KHDRBS2: variants seen among roughly 807,000 people sequenced by gnomAD.
KHDRBS2 encodes the protein KH RNA binding domain containing, signal transduction associated 2.
Under a neutral mutation model 44.3 loss-of-function variants are expected in KHDRBS2, and 26 were observed. The ratio of observed to expected loss-of-function variants is 0.59; its 90% CI spans 0.43 to 0.81. KHDRBS2 has a LOEUF of 0.81. KHDRBS2 is among the 40% of genes least tolerant of loss of function. The pLI is 0.00. For missense variants in KHDRBS2, 476 were observed against 433.1 expected (o/e 1.10, Z -0.88); for synonymous variants, 194 against 151.1 (o/e 1.28, Z -2.08).
intron 2 of KHDRBS2, among the ~76,000 whole-genome samples, chr6:62,154,324 G>A (rs6902086): frequency 0.61 from 92,452 of 151,876 alleles, 28,323 homozygotes; most frequent in Non-Finnish European, 0.62. Flanking sequence ...GCCTTATTTT[G>A]CCTGCTGCAT....
intron 1 of KHDRBS2, among the ~76,000 whole-genome samples, chr6:62,258,878 C>A (rs1837869903): frequency 1.3e-5 from 2 of 151,994 alleles, no homozygotes; most frequent in African/African-American, 4.8e-5. Flanking sequence ...ATCAGGGTGA[C>A]CTCTCAGGCA....
At chr6:61,856,828 G>A (rs903448211) in intron 6 of KHDRBS2, among the ~76,000 whole-genome samples, 10 of 151,934 alleles carry the variant, frequency 6.6e-5, no homozygotes, top group Non-Finnish European at 1.0e-4. Flanking sequence ...CATATCCCTC[G>A]GATTGCTGGA....
chr6:61,722,897 G>A (rs1052353680), intron 7 of KHDRBS2, among the ~76,000 whole-genome samples: 10 of 151,962 alleles, frequency 6.6e-5, no homozygotes, highest in African/African-American at 2.2e-4. Flanking sequence ...TTTTAGTAGA[G>A]ATGGGGTTTC....
chr6:61,972,236 C>T (rs1157264650), intron 4 of KHDRBS2, among the ~76,000 whole-genome samples: 1 of 151,988 alleles, frequency 6.6e-6, no homozygotes, highest in Non-Finnish European at 1.5e-5. Flanking sequence ...ATACAGTAGT[C>T]CTGGATTTCA....
chr6:61,668,565 C>T, the KHDRBS2 span, among the ~76,000 whole-genome samples: 11 of 150,912 alleles, frequency 7.3e-5, no homozygotes, highest in South Asian at 1.2e-3. Context: ...AAGTATCTAA[C>T]GTTATTGTTT....
chr6:61,621,744 A>G, the KHDRBS2 span, among the ~76,000 whole-genome samples: 1 of 152,206 alleles, frequency 6.6e-6, no homozygotes, highest in Admixed American at 6.5e-5. Context: ...TCATAACAGA[A>G]CATGGCAAAA....
At chr6:61,769,257 C>T (rs144673931) in intron 6 of KHDRBS2, among the ~76,000 whole-genome samples, 14 of 152,210 alleles carry the variant, frequency 9.2e-5, no homozygotes, top group East Asian at 1.9e-4. Flanking sequence ...CGGGTGATTT[C>T]GGCATTTCCA....
At chr6:61,584,269 G>C in the KHDRBS2 span, among the ~76,000 whole-genome samples, 1 of 151,776 alleles carries the variant, frequency 6.6e-6, no homozygotes, top group African/African-American at 2.4e-5. Context: ...AGTGATGAAA[G>C]TATACAACCT....
chr6:62,210,326 T>A (rs1828807389), intron 1 of KHDRBS2, among the ~76,000 whole-genome samples: 1 of 137,584 alleles, frequency 7.3e-6, no homozygotes, highest in African/African-American at 2.5e-5. Flanking sequence ...ATTCTAGCAT[T>A]CTTTTTTTTT....
At chr6:62,280,079 T>C (rs1224991839) in intron 1 of KHDRBS2, among the ~76,000 whole-genome samples, 1 of 152,132 alleles carries the variant, frequency 6.6e-6, no homozygotes, top group Non-Finnish European at 1.5e-5. Flanking sequence ...GTTATGGGAA[T>C]GAGGGGAAAA....
chr6:61,639,324 T>G, the KHDRBS2 span, among the ~76,000 whole-genome samples: 1 of 152,168 alleles, frequency 6.6e-6, no homozygotes, highest in Non-Finnish European at 1.5e-5. Flanking sequence ...ATAAATATTC[T>G]GCTTCTGCTG....
chr6:61,697,385 T>C (rs1013086725), intron 7 of KHDRBS2, 132 bp from the exon 8 acceptor site: 2 of 645,286 alleles, frequency 3.1e-6, no homozygotes, highest in Non-Finnish European at 5.6e-6. Flanking sequence ...AACACAATCC[T>C]AAATAAATCT....
chr6:61,811,233 T>C (rs1433367800), intron 6 of KHDRBS2, among the ~76,000 whole-genome samples: 1 of 152,160 alleles, frequency 6.6e-6, no homozygotes, highest in Non-Finnish European at 1.5e-5. Context: ...TTGCATTAAT[T>C]TGCTTAGGAT....
intron 1 of KHDRBS2, among the ~76,000 whole-genome samples, chr6:62,228,619 ATAT>A (rs1176634059): frequency 6.6e-6 from 1 of 150,990 alleles, no homozygotes; most frequent in East Asian, 1.9e-4. Flanking sequence ...TTTAATTGTG[ATAT>A]TATGCTGTTG....
At chr6:61,736,574 G>A (rs1775393000) in intron 6 of KHDRBS2, among the ~76,000 whole-genome samples, 4 of 151,950 alleles carry the variant, frequency 2.6e-5, no homozygotes. Flanking sequence ...CTTCCAACAG[G>A]AGGCAAGGCA....
At chr6:61,626,123 G>T in the KHDRBS2 span, among the ~76,000 whole-genome samples, 9 of 152,194 alleles carry the variant, frequency 5.9e-5, no homozygotes, top group East Asian at 1.7e-3. Context: ...TCTACTTATA[G>T]ACATACTTTA....
At chr6:62,030,975 A>G (rs1172490016) in intron 3 of KHDRBS2, among the ~76,000 whole-genome samples, 1 of 152,134 alleles carries the variant, frequency 6.6e-6, no homozygotes, top group Non-Finnish European at 1.5e-5. Context: ...TGAACTACTG[A>G]CATACACAAC....
At chr6:61,945,392 A>C (rs1813162063) in intron 4 of KHDRBS2, among the ~76,000 whole-genome samples, 1 of 151,594 alleles carries the variant, frequency 6.6e-6, no homozygotes, top group South Asian at 2.1e-4. Context: ...TTTGCTAAGC[A>C]TAGCCAGAGG....
At chr6:62,258,897 T>C (rs1196765603) in intron 1 of KHDRBS2, among the ~76,000 whole-genome samples, 1 of 152,156 alleles carries the variant, frequency 6.6e-6, no homozygotes, top group South Asian at 2.1e-4. Context: ...CATGACAGCA[T>C]TCTGGAGCAT....
Sources: allele counts gnomAD v4.1 joint callset (sites outside exome capture counted in the v4.1 genomes callset), GRCh38; gene constraint gnomAD v4.1.1; transcripts MANE v1.5; gene names NCBI Gene and HGNC (gene_info 2026-07-23, HGNC 2026-07-21).